The following BARD1 variants were observed in gnomAD, a reference collection of about 807,000 sequenced individuals.
The protein encoded by BARD1 is BRCA1-associated RING domain protein 1.
BARD1 carries 73 observed loss-of-function variants against 77.0 expected under a neutral mutation model. That is an observed-to-expected ratio of 0.95 (90% CI 0.79 to 1.15). BARD1 has a LOEUF of 1.15. Among genes scored for constraint, BARD1 ranks in the 50% most tolerant of loss-of-function variants. The pLI, the probability that BARD1 is intolerant of heterozygous loss-of-function variation, is 0.00. For missense variants in BARD1, 993 were observed against 938.8 expected (o/e 1.06, Z -0.75); for synonymous variants, 384 against 338.0 (o/e 1.14, Z -1.49).
chr2:214,749,317 G>C (rs1298354068), intron 7 of BARD1, among the ~76,000 whole-genome samples: 1 of 152,180 alleles, frequency 6.6e-6, no homozygotes, highest in Non-Finnish European at 1.5e-5. Flanking sequence ...GTGGCTGGGG[G>C]AAGGTATATT....
chr2:214,745,334 C>T (rs1315502364), intron 8 of BARD1, among the ~76,000 whole-genome samples, 175 bp from the exon 9 acceptor site: 6 of 152,108 alleles, frequency 3.9e-5, no homozygotes, highest in African/African-American at 1.4e-4. Flanking sequence ...TCTAACCTGG[C>T]CATCAATATG....
In BARD1 at chr2:214,728,428, G is replaced by C. The variant is rs1008740529; in HGVS notation, c.*248C>G. 9.8e-6 allele frequency: 5 copies of C among 509,788 alleles called. No individual in the cohort carries two copies. The highest frequency in any genetic ancestry group is 1.8e-5 in the Non-Finnish European group (5 of 285,326). The allele number at this position is 509,788 out of a possible 1,614,324, so 31.6% of individuals were successfully genotyped here. A position where few individuals can be genotyped will look rare whatever the true frequency, so the allele number is the denominator to read the frequency against. On this transcript the variant is annotated 3_prime_UTR_variant, in exon 11 of 11. Transcript: ENST00000260947. ...TCTTTGATACCCAATAATCTGAATAGAAAGACATGATAAATCAAAAACATG... is the reference window on the plus strand; with the variant it reads ...TCTTTGATACCCAATAATCTGAATACAAAGACATGATAAATCAAAAACATG...
Position 214,767,602 on chromosome 2 carries a change from T to C in BARD1, c.1448A>G (p.His483Arg), listed in dbSNP as rs587781874. Residue 483 changes from histidine to arginine, a missense_variant, in exon 6 of 11, where the codon CAT becomes CGT. His to Arg is a conservative substitution (Grantham distance 29). Coordinates refer to ENST00000260947, the MANE Select transcript of BARD1 (RefSeq NM_000465.4). Reference sequence around the variant, plus strand: ...CCCGGTGGTGTTCACCAATGCCTTATGCTGGAGCAATAATTCCACTACCTT... The same window carrying C: ...CCCGGTGGTGTTCACCAATGCCTTACGCTGGAGCAATAATTCCACTACCTT... ...HLKVVELLLQ[H>R]KALVNTTGYQ... 2.6e-5 allele frequency: 42 copies of C among 1,614,000 alleles called. No individual in the cohort carries two copies. In the Middle Eastern group the frequency reaches 6.6e-4, roughly 25 times the overall value.
intron 9 of BARD1, among the ~76,000 whole-genome samples, chr2:214,734,863 T>G (rs150859688): frequency 6.6e-5 from 10 of 152,316 alleles, no homozygotes; most frequent in African/African-American, 2.4e-4. Flanking sequence ...ACTTGTATCC[T>G]TCCCCAAATC....
At chr2:214,784,864 C>T (rs1211307246) in intron 3 of BARD1, among the ~76,000 whole-genome samples, 2 of 151,894 alleles carry the variant, frequency 1.3e-5, no homozygotes, top group African/African-American at 4.8e-5. Flanking sequence ...CATCACACAC[C>T]GGGGCCTGTC....
At chr2:214,730,233 A>G in intron 10 of BARD1, 178 bp downstream of exon 10, 2 of 628,132 alleles carry the variant, frequency 3.2e-6, no homozygotes, top group African/African-American at 3.7e-5. Context: ...TGAAATTATT[A>G]CCTTCTGGAT....
chr2:214,727,772 G>C lies in BARD1; in HGVS notation c.*904C>G. The C allele has an allele frequency of 4.4e-6, 1 of 227,018 alleles. No homozygotes were observed. The highest frequency in any genetic ancestry group is 8.8e-6 in the Non-Finnish European group (1 of 114,190). 14.1% of individuals were successfully genotyped at this position (227,018 alleles called of 1,614,324 possible). On this transcript the variant is annotated 3_prime_UTR_variant, in exon 11 of 11. Transcript: ENST00000260947. ...AAAAAAACCTTTTCCTTTTACAAAG[G>C]AAGAAATTAAGACCTTCAAAATTAT...
intron 9 of BARD1, among the ~76,000 whole-genome samples, chr2:214,743,533 T>C (rs753943283): frequency 6.6e-6 from 1 of 152,204 alleles, no homozygotes; most frequent in Non-Finnish European, 1.5e-5. Flanking sequence ...TATAACATAA[T>C]ACCAACAAAT....
At chr2:214,730,190 A>T (rs1316382140) in intron 10 of BARD1, 1 of 557,748 alleles carries the variant, frequency 1.8e-6, no homozygotes, top group Non-Finnish European at 3.2e-6. Context: ...GGTTTATGGC[A>T]ATGTTCAAGA....
intron 1 of BARD1, among the ~76,000 whole-genome samples, chr2:214,803,190 A>AGGCCTCAG (rs565640201): frequency 0.26 from 38,312 of 148,926 alleles, 5,261 homozygotes; most frequent in African/African-American, 0.35. Flanking sequence ...ACACTGCGGA[A>AGGCCTCAG]GGACCCCTGC....
intron 6 of BARD1, among the ~76,000 whole-genome samples, chr2:214,756,023 C>A (rs1353503246): frequency 6.6e-6 from 1 of 152,172 alleles, no homozygotes. Flanking sequence ...GTCGCGAATT[C>A]AGTGAATTGA....
rs73989339 is a variant in BARD1, at chr2:214,770,564, A to G, written c.1315-1252T>C. 1.3e-3 allele frequency among the ~76,000 whole-genome samples: 201 copies of G among 152,332 alleles called. 1 individual carries two copies. The highest frequency in any genetic ancestry group is 5.0e-3 in the East Asian group (26 of 5,190). On this transcript the variant is annotated intron_variant, in intron 4 of 10. Coordinates refer to ENST00000260947, the MANE Select transcript of BARD1 (RefSeq NM_000465.4). The stretch of plus-strand genomic sequence containing the variant: ...AAGGAAAATACTCTGAAGGCAGACA[A>G]TATTAATTCGACTTTCATATTAAGA...
rs540317485 is a variant in BARD1 at position 214,728,048 on chromosome 2, A to C, written c.*628T>G. On this transcript the variant is annotated 3_prime_UTR_variant, in exon 11 of 11. Coordinates refer to ENST00000260947, the MANE Select transcript of BARD1 (RefSeq NM_000465.4). ...AGTGTTGATTTTTACCACACACACAAAAAAACCAATGTTAATGATTAAATC... is the reference window on the plus strand; with the variant it reads ...AGTGTTGATTTTTACCACACACACACAAAAACCAATGTTAATGATTAAATC... The C allele has an allele frequency of 1.2e-3, 271 of 225,766 alleles. No individual in the cohort carries two copies. Among genetic ancestry groups the C allele is most frequent in the South Asian group, 4.8e-3 (26 of 5,460 alleles). The allele number at this position is 225,766 out of a possible 1,614,324, so 14.0% of individuals were successfully genotyped here. A position where few individuals can be genotyped will look rare whatever the true frequency, so the allele number is the denominator to read the frequency against.
intron 1 of BARD1, among the ~76,000 whole-genome samples, chr2:214,807,350 C>T (rs1457467762): frequency 6.6e-6 from 1 of 152,108 alleles, no homozygotes; most frequent in Non-Finnish European, 1.5e-5. Flanking sequence ...CAGTTAGAAA[C>T]TGGAAAAATA....
chr2:214,800,207 A>T (rs908217724), intron 1 of BARD1, among the ~76,000 whole-genome samples: 1 of 152,260 alleles, frequency 6.6e-6, no homozygotes, highest in African/African-American at 2.4e-5. Flanking sequence ...GTAATGATTT[A>T]ACATGTGGGA....
rs903839822 is a variant in BARD1, at chr2:214,726,575, T to C, written c.*2101A>G. ...GTTAATAGACTTCCTCACCAAGTCATGTTGAGCCTCATTCAACAGCACAGA... is the reference window on the plus strand; with the variant it reads ...GTTAATAGACTTCCTCACCAAGTCACGTTGAGCCTCATTCAACAGCACAGA... On this transcript the variant is annotated 3_prime_UTR_variant, in exon 11 of 11. Transcript: ENST00000260947. 4.4e-6 allele frequency: 1 copy of C among 229,550 alleles called. No homozygotes were observed. Among genetic ancestry groups the C allele is most frequent in the Non-Finnish European group, 8.6e-6 (1 of 115,734 alleles). The allele number at this position is 229,550 out of a possible 1,614,324, so 14.2% of individuals were successfully genotyped here.
intron 3 of BARD1, among the ~76,000 whole-genome samples, chr2:214,788,911 T>C (rs1267936293): frequency 6.6e-6 from 1 of 152,012 alleles, no homozygotes; most frequent in Non-Finnish European, 1.5e-5. Context: ...ATAGACAAAC[T>C]ATAAAGAAAC....
chr2:214,751,107 GTGTGTGTGTGTA>G (rs1175483491), intron 7 of BARD1, among the ~76,000 whole-genome samples: 49 of 10,242 alleles, frequency 4.8e-3, no homozygotes, highest in African/African-American at 9.9e-3. Flanking sequence ...GTGTGTGTGT[GTGTGTGTGTGTA>G]TATATATATA....
At chr2:214,778,222 GA>G (rs1191127373) in intron 4 of BARD1, among the ~76,000 whole-genome samples, 2 of 126,818 alleles carry the variant, frequency 1.6e-5, no homozygotes, top group African/African-American at 6.1e-5. Flanking sequence ...CCCCAAAAAA[GA>G]AAAAAATATA....
Sources: allele counts gnomAD v4.1 joint callset (sites outside exome capture counted in the v4.1 genomes callset), GRCh38; gene constraint gnomAD v4.1.1; transcripts MANE v1.5; gene names NCBI Gene and HGNC (gene_info 2026-07-23, HGNC 2026-07-21).